EDIL3: variants seen among roughly 807,000 people sequenced by gnomAD.
The protein encoded by EDIL3 is EGF-like repeat and discoidin I-like domain-containing protein 3.
Under a neutral mutation model 67.4 loss-of-function variants are expected in EDIL3, and 37 were observed. The observed-to-expected ratio is 0.55, with a 90% CI of 0.42 to 0.72. The LOEUF is 0.72. Ranked by LOEUF, EDIL3 falls within the 30% of genes least tolerant of loss-of-function variation. The pLI is 0.00. For missense variants in EDIL3, 527 were observed against 586.3 expected (o/e 0.90, Z 1.04); for synonymous variants, 195 against 196.3 (o/e 0.99, Z 0.05).
chr5:84,100,578 G>A (rs1351273574), intron 6 of EDIL3, among the ~76,000 whole-genome samples: 1 of 151,978 alleles, frequency 6.6e-6, no homozygotes, highest in Non-Finnish European at 1.5e-5. Flanking sequence ...CTGTTGAGTG[G>A]GGCAGCTAGG....
At chr5:84,085,982 T>C (rs1337180106) in intron 6 of EDIL3, among the ~76,000 whole-genome samples, 4 of 152,084 alleles carry the variant, frequency 2.6e-5, no homozygotes, top group Non-Finnish European at 4.4e-5. Flanking sequence ...TACTAAAGCC[T>C]CAGTAATGGC....
intron 9 of EDIL3, among the ~76,000 whole-genome samples, chr5:84,031,084 C>T (rs1045814767): frequency 2.6e-5 from 4 of 152,084 alleles, no homozygotes; most frequent in African/African-American, 9.7e-5. Flanking sequence ...GTGTCCTAAT[C>T]TCCTCTTCTT....
chr5:84,256,148 CATCT>C (rs1554038573), intron 1 of EDIL3, among the ~76,000 whole-genome samples: 65 of 146,544 alleles, frequency 4.4e-4, no homozygotes, highest in African/African-American at 1.7e-3. Flanking sequence ...ATCTATCTAT[CATCT>C]ATCTATCTAT....
At chr5:84,172,066 C>G (rs1748822046) in intron 4 of EDIL3, among the ~76,000 whole-genome samples, 1 of 152,104 alleles carries the variant, frequency 6.6e-6, no homozygotes, top group Non-Finnish European at 1.5e-5. Context: ...TTCATATGCA[C>G]AGCAAGTGTG....
chr5:84,255,591 A>G (rs1420515737), intron 1 of EDIL3, among the ~76,000 whole-genome samples: 1 of 152,194 alleles, frequency 6.6e-6, no homozygotes, highest in Non-Finnish European at 1.5e-5. Context: ...CTGGGCACCA[A>G]CTTCCTACTA....
At chr5:84,222,510 G>T (rs183271591) in intron 3 of EDIL3, among the ~76,000 whole-genome samples, 26 of 151,846 alleles carry the variant, frequency 1.7e-4, no homozygotes, top group East Asian at 1.2e-3. Flanking sequence ...TATGTCCAGT[G>T]ACCTCTATCA....
intron 2 of EDIL3, among the ~76,000 whole-genome samples, chr5:84,230,092 A>G (rs1744539569): frequency 6.6e-6 from 1 of 152,180 alleles, no homozygotes; most frequent in African/African-American, 2.4e-5. Context: ...ATGAGTATTC[A>G]CATTAAATAA....
At chr5:84,059,720 A>G (rs1178032182) in intron 9 of EDIL3, among the ~76,000 whole-genome samples, 1 of 152,182 alleles carries the variant, frequency 6.6e-6, no homozygotes, top group African/African-American at 2.4e-5. Flanking sequence ...GTGCTCCACA[A>G]ATAAGAGAAT....
intron 4 of EDIL3, among the ~76,000 whole-genome samples, chr5:84,138,270 T>C (rs1031226054): frequency 4.6e-5 from 7 of 152,182 alleles, no homozygotes; most frequent in Non-Finnish European, 1.0e-4. Flanking sequence ...AGTTTGTTGT[T>C]GTTGTTTTTA....
intron 3 of EDIL3, among the ~76,000 whole-genome samples, chr5:84,198,436 GTGAAGCCAT>G (rs1451246052): frequency 6.6e-6 from 1 of 151,970 alleles, no homozygotes; most frequent in Non-Finnish European, 1.5e-5. Context: ...TAGTGCTGTA[GTGAAGCCAT>G]ATATATGCCT....
At chr5:84,120,250 G>C (rs907527335) in intron 5 of EDIL3, among the ~76,000 whole-genome samples, 2 of 152,058 alleles carry the variant, frequency 1.3e-5, no homozygotes, top group Admixed American at 1.3e-4. Flanking sequence ...ATATAGGAGT[G>C]TGGCTTTTAT....
At chr5:84,061,627 A>G (rs555289607) in intron 8 of EDIL3, among the ~76,000 whole-genome samples, 2 of 152,200 alleles carry the variant, frequency 1.3e-5, no homozygotes, top group African/African-American at 4.8e-5. Flanking sequence ...ACAACTTTCT[A>G]CCTAAATTTT....
chr5:84,164,335 T>C (rs1748667673), intron 4 of EDIL3, among the ~76,000 whole-genome samples: 1 of 152,118 alleles, frequency 6.6e-6, no homozygotes, highest in Non-Finnish European at 1.5e-5. Context: ...GGTATCTTCA[T>C]ACTTCAGAAA....
At chr5:84,296,060 AT>A (rs1160600470) in intron 1 of EDIL3, among the ~76,000 whole-genome samples, 2 of 152,198 alleles carry the variant, frequency 1.3e-5, no homozygotes, top group Non-Finnish European at 2.9e-5. Context: ...ATTTGTTGTT[AT>A]AAAGATAATT....
chr5:84,088,793 G>C lies in EDIL3; in HGVS notation c.651+17856C>G, dbSNP rs1354268448. Among the ~76,000 whole-genome samples the C allele has an allele frequency of 8.5e-5, 13 of 152,050 alleles. 1 individual carries two copies. Among genetic ancestry groups the C allele is most frequent in the Non-Finnish European group, 1.5e-4 (10 of 68,006 alleles). ...AACAAAATAAAGTGATCTATACCAA[G>C]TACACTAGCATTAGGATGAAATAGC... is the stretch of plus-strand genomic sequence containing the variant. On this transcript the variant is annotated intron_variant, in intron 6 of 10. Transcript: ENST00000296591.
chr5:84,172,379 C>A (rs941305414), intron 4 of EDIL3, among the ~76,000 whole-genome samples: 12 of 151,988 alleles, frequency 7.9e-5, no homozygotes, highest in African/African-American at 2.4e-4. Context: ...CCCAGGATCT[C>A]AAGACCAGCC....
intron 9 of EDIL3, among the ~76,000 whole-genome samples, chr5:83,980,699 TTA>T (rs1242291880): frequency 7.7e-6 from 1 of 129,536 alleles, no homozygotes; most frequent in African/African-American, 2.7e-5. Flanking sequence ...ATATATATAT[TTA>T]TATATAATAA....
chr5:84,006,552 T>C (rs902028574), intron 9 of EDIL3, among the ~76,000 whole-genome samples: 4 of 151,930 alleles, frequency 2.6e-5, no homozygotes, highest in Non-Finnish European at 4.4e-5. Context: ...AAGGCAACAA[T>C]AGATACCAGG....
rs115097947 is a variant in EDIL3, at chr5:84,305,986, G to T, written c.68-51774C>A. Among the ~76,000 whole-genome samples, 233 of 151,972 alleles carry T rather than the reference G, an allele frequency of 1.5e-3. 1 individual carries two copies. The highest frequency in any genetic ancestry group is 5.4e-3 in the African/African-American group (224 of 41,444). ...CTTACTTTCATGTCATGTCCCCCCA[G>T]ATTCTCTGATCTACAAATGAACAAA... On this transcript the variant is annotated intron_variant, in intron 1 of 10. Coordinates refer to ENST00000296591, the MANE Select transcript of EDIL3 (RefSeq NM_005711.5).
Sources: allele counts gnomAD v4.1 joint callset (sites outside exome capture counted in the v4.1 genomes callset), GRCh38; gene constraint gnomAD v4.1.1; transcripts MANE v1.5; gene names NCBI Gene and HGNC (gene_info 2026-07-23, HGNC 2026-07-21).